GK5: variants seen among roughly 807,000 people sequenced by gnomAD.
The protein encoded by GK5 is glycerol kinase 5.
In GK5, 39 loss-of-function variants were observed where a neutral mutation model predicts 77.3. That is an observed-to-expected ratio of 0.50 (90% CI 0.39 to 0.66). GK5 has a LOEUF of 0.66. Among genes scored for constraint, GK5 ranks in the 30% least tolerant of loss-of-function variants. The pLI is 0.00. For missense variants in GK5, 487 were observed against 633.8 expected (o/e 0.77, Z 2.49); for synonymous variants, 211 against 208.0 (o/e 1.01, Z -0.13).
intron 8 of GK5, 33 bp downstream of exon 8, chr3:142,186,161 G>A (rs751029614): frequency 1.5e-6 from 2 of 1,334,222 alleles, no homozygotes; most frequent in Non-Finnish European, 2.2e-6. Context: ...AAGAACCATT[G>A]TGCTGGTTAC....
In GK5 at chr3:142,199,487, T is replaced by C. The variant is rs866767209; in HGVS notation, c.412-554A>G. 9.2e-5 allele frequency among the ~76,000 whole-genome samples: 14 copies of C among 152,286 alleles called. No individual in the cohort carries two copies. The South Asian group carries it at 2.5e-3, about 27-fold the overall frequency. Reference sequence around the variant, plus strand: ...ATAATCTTATATCTTAGCTTCAATCTGCCTCTATGAATCAAAGACCTGAGA... The same window carrying C: ...ATAATCTTATATCTTAGCTTCAATCCGCCTCTATGAATCAAAGACCTGAGA... On this transcript the variant is annotated intron_variant, in intron 4 of 15. Transcript: ENST00000392993.
rs1483675178 is a variant in GK5, at chr3:142,165,132, T to C, written c.*490A>G. 1 of 152,718 alleles carries C rather than the reference T, an allele frequency of 6.5e-6. No individual in the cohort carries two copies. Among genetic ancestry groups the C allele is most frequent in the African/African-American group, 2.4e-5 (1 of 41,476 alleles). 9.5% of individuals were successfully genotyped at this position (152,718 alleles called of 1,614,324 possible). The stretch of plus-strand genomic sequence containing the variant: ...AAATTATGGCTTTAAACATAAAATA[T>C]TAATGTTTCAAAATTCCACATTTTC... On this transcript the variant is annotated 3_prime_UTR_variant, in exon 16 of 16. Transcript: ENST00000392993.
At chr3:142,209,715 A>G (rs2064166034) in intron 3 of GK5, among the ~76,000 whole-genome samples, 1 of 152,246 alleles carries the variant, frequency 6.6e-6, no homozygotes, top group Non-Finnish European at 1.5e-5. Context: ...AATATAGAGT[A>G]ATTTGTGTAC....
At chr3:142,185,864 A>C in intron 9 of GK5, 65 bp downstream of exon 9, 1 of 1,548,622 alleles carries the variant, frequency 6.5e-7, no homozygotes, top group Non-Finnish European at 8.8e-7. Flanking sequence ...AGCTAGTCTC[A>C]ATTATTAATA....
intron 6 of GK5, among the ~76,000 whole-genome samples, chr3:142,186,885 C>T (rs1286802204): frequency 6.6e-6 from 1 of 152,084 alleles, no homozygotes; most frequent in East Asian, 1.9e-4. Flanking sequence ...CCCGCCTCAG[C>T]CTCCCAAAGT....
rs1046404185 is a variant in GK5, at chr3:142,158,575, C to T, written c.*7047G>A. On this transcript the variant is annotated 3_prime_UTR_variant, in exon 16 of 16. Transcript: ENST00000392993. ...CAATGATTTATGAGGTTCTCAATGA[C>T]AATTTAATAAAACTGCAAAATTCAT... 6.6e-6 allele frequency: 1 copy of T among 152,500 alleles called. No homozygotes were observed. Among genetic ancestry groups the T allele is most frequent in the African/African-American group, 2.4e-5 (1 of 41,408 alleles). 9.4% of individuals were successfully genotyped at this position (152,500 alleles called of 1,614,324 possible). A position where few individuals can be genotyped will look rare whatever the true frequency, so the allele number is the denominator to read the frequency against.
chr3:142,225,479 T>C lies in GK5; in HGVS notation c.-24A>G. 1 of 1,595,948 alleles carries C rather than the reference T, an allele frequency of 6.3e-7. No individual in the cohort carries two copies. Among genetic ancestry groups the C allele is most frequent in the Non-Finnish European group, 8.5e-7 (1 of 1,176,836 alleles). On this transcript the variant is annotated 5_prime_UTR_variant, in exon 1 of 16. Coordinates refer to ENST00000392993, the MANE Select transcript of GK5 (RefSeq NM_001039547.3). ...ATCCCGATCCCGCACGCCTCTCCGC[T>C]ACAGCCGCCTACCCAGAGGGCGCGC...
At chr3:142,183,170 T>C in intron 9 of GK5, 121 bp from the exon 10 acceptor site, 1 of 885,910 alleles carries the variant, frequency 1.1e-6, no homozygotes, top group Non-Finnish European at 1.7e-6. Context: ...TCCTTTTCCT[T>C]AAAATTAAAA....
chr3:142,206,964 A>T (rs571910440), intron 3 of GK5, among the ~76,000 whole-genome samples: 12 of 152,320 alleles, frequency 7.9e-5, no homozygotes, highest in African/African-American at 2.9e-4. Context: ...ACCCCCTGAA[A>T]CTATGGCTAC....
Position 142,186,445 on chromosome 3 carries a change from T to G in GK5, c.681+7A>C. Reference sequence around the variant, plus strand: ...GTGATTCAAAAAGAAGAAAAAAAAATTTTTACCTTATATGGGTCAAAAAGT... The same window carrying G: ...GTGATTCAAAAAGAAGAAAAAAAAAGTTTTACCTTATATGGGTCAAAAAGT... On this transcript the variant is annotated splice_region_variant and intron_variant, in intron 7 of 15. Transcript: ENST00000392993. 2 of 1,487,142 alleles carry G rather than the reference T, an allele frequency of 1.3e-6. No individual in the cohort carries two copies. Among genetic ancestry groups the G allele is most frequent in the Middle Eastern group, 1.8e-4 (1 of 5,626 alleles). 92.1% of individuals were successfully genotyped at this position (1,487,142 alleles called of 1,614,324 possible).
intron 6 of GK5, 33 bp downstream of exon 6, chr3:142,187,671 T>C (rs2063790561): frequency 1.4e-6 from 2 of 1,455,078 alleles, no homozygotes; most frequent in Non-Finnish European, 1.9e-6. Context: ...CAAATTTCGG[T>C]TATTTAAAAT....
intron 2 of GK5, 26 bp from the exon 3 acceptor site, chr3:142,213,627 A>C (rs746688957): frequency 6.3e-6 from 9 of 1,427,224 alleles, no homozygotes; most frequent in Middle Eastern, 1.8e-4. Flanking sequence ...GATAAAACAC[A>C]TGTTTTAAAG....
At chr3:142,180,559 C>T (rs1049348320) in intron 11 of GK5, among the ~76,000 whole-genome samples, 3 of 152,330 alleles carry the variant, frequency 2.0e-5, no homozygotes, top group East Asian at 1.9e-4. Flanking sequence ...GCCTCAGCCC[C>T]GCAAAGTGCT....
rs2063718083 is a variant in GK5, at chr3:142,183,017, C to A, written c.849G>T (p.Glu283Asp). The part of the protein sequence containing the change: ...VADQQSAMFG[E>D]CCFQTGDVKL... ...TCACATCACCTGTCTGGAAGCAGCA[C>A]TCTCCAAACATGGCTGATTGCTGGT... is the stretch of plus-strand genomic sequence containing the variant. The change falls in exon 10 of 16, where the codon GAG becomes GAT. Residue 283 changes from glutamate to aspartate, a missense_variant. By Grantham distance (45) the Glu-to-Asp change is conservative. Coordinates refer to ENST00000392993, the MANE Select transcript of GK5 (RefSeq NM_001039547.3). 2 of 1,613,672 alleles carry A rather than the reference C, an allele frequency of 1.2e-6. No individual in the cohort carries two copies. Among genetic ancestry groups the A allele is most frequent in the Non-Finnish European group, 1.7e-6 (2 of 1,179,628 alleles).
chr3:142,201,926 G>A (rs943244190), intron 4 of GK5, among the ~76,000 whole-genome samples: 13 of 152,144 alleles, frequency 8.5e-5, no homozygotes, highest in African/African-American at 3.1e-4. Flanking sequence ...GGCAACATAA[G>A]AGATTGAGGG....
intron 4 of GK5, among the ~76,000 whole-genome samples, chr3:142,202,081 G>T (rs1199693847): frequency 6.6e-6 from 1 of 152,144 alleles, no homozygotes; most frequent in Non-Finnish European, 1.5e-5. Flanking sequence ...GAAAGGGCTT[G>T]AGTGCTACAA....
chr3:142,205,102 G>A (rs751669679), intron 3 of GK5, among the ~76,000 whole-genome samples: 5 of 152,134 alleles, frequency 3.3e-5, no homozygotes, highest in Non-Finnish European at 7.3e-5. Flanking sequence ...TACTGCACTT[G>A]TCCTGATACA....
chr3:142,181,473 C>A lies in GK5; in HGVS notation c.1036G>T (p.Ala346Ser). The A allele has an allele frequency of 6.2e-7, 1 of 1,606,456 alleles. No homozygotes were observed. Among genetic ancestry groups the A allele is most frequent in the Non-Finnish European group, 8.5e-7 (1 of 1,175,206 alleles). ...AGDTGTAIKW[A>S]QQLDLFTDAA... ...AAAGACAACTTACCTAACTGCTGAG[C>A]CCATTTTATGGCAGTACCAGTGTCT... The change falls in exon 11 of 16, where the codon GCT becomes TCT. Residue 346 changes from alanine to serine, a missense_variant. Ala to Ser is a moderately conservative substitution (Grantham distance 99). Coordinates refer to ENST00000392993, the MANE Select transcript of GK5 (RefSeq NM_001039547.3).
chr3:142,168,418 T>G (rs916272926), intron 15 of GK5, among the ~76,000 whole-genome samples: 10 of 152,220 alleles, frequency 6.6e-5, no homozygotes, highest in Admixed American at 4.6e-4. Context: ...AAAGTAACTT[T>G]CAATTTTATT....
Sources: gnomAD v4.1 joint callset for allele counts (sites outside exome capture counted in the v4.1 genomes callset) on GRCh38, gnomAD v4.1.1 for gene constraint, MANE v1.5 for transcripts, NCBI Gene and HGNC (gene_info 2026-07-23, HGNC 2026-07-21) for gene names.